TENM2: variants seen among roughly 807,000 people sequenced by gnomAD.
TENM2 encodes teneurin transmembrane protein 2.
Under a neutral mutation model 245.2 loss-of-function variants are expected in TENM2, and 52 were observed. That is an observed-to-expected ratio of 0.21 (90% confidence interval 0.17 to 0.27). The LOEUF is 0.27. Ranked by LOEUF, TENM2 falls within the 10% of genes least tolerant of loss-of-function variation. The pLI is 1.00. For missense variants in TENM2, 3,046 were observed against 3,666.8 expected (o/e 0.83, Z 4.37); for synonymous variants, 1,363 against 1,438.9 (o/e 0.95, Z 1.19).
At chr5:167,727,817 T>A (rs1336773009) in intron 2 of TENM2, among the ~76,000 whole-genome samples, 1 of 152,220 alleles carries the variant, frequency 6.6e-6, no homozygotes, top group Non-Finnish European at 1.5e-5. Flanking sequence ...TGTTAAGAAT[T>A]CAAATCTAAG....
the TENM2 span, among the ~76,000 whole-genome samples, chr5:167,044,691 C>T: frequency 3.3e-5 from 5 of 152,080 alleles, no homozygotes; most frequent in South Asian, 2.1e-4. Flanking sequence ...GGAGAACCAG[C>T]GGGGCTCATA....
intron 5 of TENM2, among the ~76,000 whole-genome samples, chr5:168,026,621 A>T (rs1405146085): frequency 6.6e-6 from 1 of 152,182 alleles, no homozygotes; most frequent in Non-Finnish European, 1.5e-5. Flanking sequence ...TTTACATCCC[A>T]GCTTTTCTAC....
intron 2 of TENM2, among the ~76,000 whole-genome samples, chr5:167,827,571 A>G (rs1324835022): frequency 7.0e-6 from 1 of 142,366 alleles, no homozygotes; most frequent in East Asian, 2.2e-4. Context: ...AGCTGAAGGA[A>G]CCAAAGTCAT....
At chr5:167,008,034 C>G in the TENM2 span, among the ~76,000 whole-genome samples, 1 of 152,178 alleles carries the variant, frequency 6.6e-6, no homozygotes, top group Non-Finnish European at 1.5e-5. Context: ...AGTGGCCTCC[C>G]TCCCTTCCCC....
chr5:167,846,467 C>T (rs1042677976), intron 2 of TENM2, among the ~76,000 whole-genome samples: 1 of 152,200 alleles, frequency 6.6e-6, no homozygotes, highest in Non-Finnish European at 1.5e-5. Context: ...CTCTGGCCAT[C>T]AGCAGCATGC....
At chr5:167,021,691 G>C in the TENM2 span, among the ~76,000 whole-genome samples, 1 of 152,146 alleles carries the variant, frequency 6.6e-6, no homozygotes, top group Admixed American at 6.5e-5. Context: ...ACTGATGGAT[G>C]TTGCCTAGAG....
chr5:168,077,880 G>A (rs796727952), intron 7 of TENM2, among the ~76,000 whole-genome samples: 1 of 152,092 alleles, frequency 6.6e-6, no homozygotes, highest in Admixed American at 6.6e-5. Context: ...TAGTGCTGCA[G>A]TAGTCATACA....
chr5:167,656,983 T>C (rs967810062), intron 2 of TENM2, among the ~76,000 whole-genome samples: 11 of 151,164 alleles, frequency 7.3e-5, no homozygotes, highest in South Asian at 2.1e-4. Flanking sequence ...AAAATCTTCC[T>C]TCTAGCTATT....
chr5:168,203,551 C>T, intron 17 of TENM2, 138 bp from the exon 20 acceptor site: 1 of 776,632 alleles, frequency 1.3e-6, no homozygotes, highest in East Asian at 2.9e-5. Flanking sequence ...AGCAATCAGC[C>T]TGCCTCTTTG....
At chr5:167,980,577 C>A (rs1052677205) in intron 4 of TENM2, among the ~76,000 whole-genome samples, 2 of 152,090 alleles carry the variant, frequency 1.3e-5, no homozygotes, top group Non-Finnish European at 2.9e-5. Context: ...ATGACCTCGA[C>A]CATCACAAGA....
At chr5:167,636,531 A>T (rs1223585938) in intron 2 of TENM2, among the ~76,000 whole-genome samples, 1 of 152,242 alleles carries the variant, frequency 6.6e-6, no homozygotes, top group Non-Finnish European at 1.5e-5. Flanking sequence ...TGAAGGATTT[A>T]GCACTGTTCC....
chr5:167,888,409 A>C (rs141117586), intron 3 of TENM2, among the ~76,000 whole-genome samples: 104 of 152,302 alleles, frequency 6.8e-4, no homozygotes, highest in South Asian at 6.2e-4. Context: ...GAATTAACAA[A>C]TAGTGCATGC....
the TENM2 span, among the ~76,000 whole-genome samples, chr5:167,158,476 A>T: frequency 6.6e-6 from 1 of 152,260 alleles, no homozygotes; most frequent in Admixed American, 6.5e-5. Flanking sequence ...TTTCTGTCAT[A>T]GTCAGTTCAG....
rs78604173 is a variant in TENM2 at position 167,786,249 on chromosome 5, T to C, written c.503-89737T>C. Among the ~76,000 whole-genome samples the C allele has an allele frequency of 7.1e-3, 1,087 of 152,298 alleles. 11 individuals are homozygous for C. The highest frequency in any genetic ancestry group is 0.025 in the African/African-American group (1,035 of 41,552). ...TAGACAGGATTCTCTCTCTCACAAATGGCAGAGGCTGAACTCCAGCTGGCT... is the reference window on the plus strand; with the variant it reads ...TAGACAGGATTCTCTCTCTCACAAACGGCAGAGGCTGAACTCCAGCTGGCT... On this transcript the variant is annotated intron_variant, in intron 2 of 28. Transcript: ENST00000518659.
intron 2 of TENM2, among the ~76,000 whole-genome samples, chr5:167,568,683 A>G (rs867480587): frequency 1.1e-4 from 10 of 94,516 alleles, no homozygotes; most frequent in East Asian, 3.1e-4. Context: ...GTGTGTGTGT[A>G]TAAAAATATA....
At chr5:168,056,353 T>C (rs114876253) in intron 6 of TENM2, among the ~76,000 whole-genome samples, 2,399 of 152,366 alleles carry the variant, frequency 0.016, 23 homozygotes, top group Non-Finnish European at 0.025. Context: ...ACAAAAGTTA[T>C]ACACACTCAT....
the TENM2 span, among the ~76,000 whole-genome samples, chr5:167,053,989 A>C: frequency 6.6e-6 from 1 of 152,180 alleles, no homozygotes; most frequent in Admixed American, 6.6e-5. Context: ...CCACTAGAAC[A>C]TCCTCCACCC....
chr5:168,195,189 A>G (rs2152519778), exon 15 of TENM2: 2 of 1,602,246 alleles, frequency 1.2e-6, no homozygotes, highest in East Asian at 4.5e-5. Flanking sequence ...GGTTTCTCTC[A>G]TCCGAGGCCA....
the TENM2 span, among the ~76,000 whole-genome samples, chr5:167,100,092 A>G: frequency 2.7e-4 from 41 of 152,284 alleles, no homozygotes; most frequent in African/African-American, 9.6e-4. Flanking sequence ...AATTTAAAAC[A>G]TGTCCTTCAC....
Sources: allele counts gnomAD v4.1 joint callset (sites outside exome capture counted in the v4.1 genomes callset), GRCh38; gene constraint gnomAD v4.1.1; transcripts MANE v1.5; gene names NCBI Gene and HGNC (gene_info 2026-07-23, HGNC 2026-07-21).